SI: variants seen among roughly 807,000 people sequenced by gnomAD.
SI encodes sucrase-isomaltase, intestinal.
In SI, 235 loss-of-function variants were observed where a neutral mutation model predicts 253.3. That is an observed-to-expected ratio of 0.93 (90% confidence interval 0.83 to 1.03). The LOEUF (loss-of-function observed/expected upper bound fraction) is 1.03, where lower values mean the gene tolerates loss of function less well. Ranked by LOEUF, SI falls within the 50% of genes least tolerant of loss-of-function variation. The pLI, the probability that SI is intolerant of heterozygous loss-of-function variation, is 0.00. For synonymous variants in SI, 819 were observed against 712.0 expected (o/e 1.15, Z -2.39); for missense variants, 2,442 against 2,211.1 (o/e 1.10, Z -2.09).
chr3:165,063,404 G>C, intron 8 of SI, 38 bp downstream of exon 8: 1 of 948,044 alleles, frequency 1.1e-6, no homozygotes, highest in Non-Finnish European at 1.7e-6. Context: ...CATTTCAAGT[G>C]AAATCTATAA....
chr3:164,993,291 T>G, intron 41 of SI, among the ~76,000 whole-genome samples: 1 of 151,658 alleles, frequency 6.6e-6, no homozygotes, highest in Non-Finnish European at 1.5e-5. Context: ...ATCAATAAAA[T>G]GTTATCAGAA....
rs191046077 is a variant in SI, at chr3:165,070,410, A to G, written c.256-1215T>C. ...AGTATGTATTTATATATTTATACCC[A>G]AACACACATATACACATATACATTG... On this transcript the variant is annotated intron_variant, in intron 3 of 47. Transcript: ENST00000264382. Among the ~76,000 whole-genome samples the G allele has an allele frequency of 1.0e-2, 1,490 of 149,412 alleles. 26 individuals are homozygous for G. The highest frequency in any genetic ancestry group is 0.035 in the African/African-American group (1,408 of 40,808).
intron 25 of SI, among the ~76,000 whole-genome samples, chr3:165,028,112 C>T (rs1712025502): frequency 1.3e-5 from 2 of 151,352 alleles, no homozygotes; most frequent in African/African-American, 2.4e-5. Context: ...AATTAACGTA[C>T]AGAAGTCAGT....
At chr3:165,064,165 C>A (rs900269220) in intron 7 of SI, among the ~76,000 whole-genome samples, 5 of 151,978 alleles carry the variant, frequency 3.3e-5, no homozygotes, top group Non-Finnish European at 4.4e-5. Flanking sequence ...CCCATGTATG[C>A]CCAAGGTACT....
intron 33 of SI, among the ~76,000 whole-genome samples, chr3:165,013,561 C>T (rs923573325): frequency 2.2e-4 from 34 of 152,080 alleles, no homozygotes; most frequent in African/African-American, 7.7e-4. Context: ...ACCTCATTGC[C>T]TACCAACATT....
rs767454168 is a variant in SI, at chr3:165,046,877, A to T, written c.1851T>A (p.Thr617=). 2 of 1,613,152 alleles carry T rather than the reference A, an allele frequency of 1.2e-6. No homozygotes were observed. Among genetic ancestry groups the T allele is most frequent in the Non-Finnish European group, 1.7e-6 (2 of 1,179,484 alleles). ...CAAACAAACTGAACTCCAGCATTCC[A>T]GTTATAGACCATTCCATTTGTTCCC... The part of the protein sequence containing the change: ...ASWEQMEWSI[T]GMLEFSLFGI... Residue 617 remains threonine (T), a synonymous_variant, in exon 16 of 48, where the codon ACT becomes ACA. Transcript: ENST00000264382.
At chr3:165,005,839 T>A (rs1387183208) in intron 37 of SI, among the ~76,000 whole-genome samples, 5 of 152,066 alleles carry the variant, frequency 3.3e-5, no homozygotes, top group Non-Finnish European at 2.9e-5. Context: ...CTCAACCTCC[T>A]GGGCCCAAGT....
chr3:164,991,555 A>T, intron 43 of SI, 78 bp from the exon 44 acceptor site: 1 of 1,444,574 alleles, frequency 6.9e-7, no homozygotes, highest in South Asian at 1.2e-5. Context: ...GAGGATATAC[A>T]TTTTAAAAAA....
intron 40 of SI, 133 bp downstream of exon 40, chr3:164,996,398 CCAGA>C (rs1718008999): frequency 1.6e-6 from 1 of 644,582 alleles, no homozygotes; most frequent in Non-Finnish European, 2.8e-6. Context: ...AAAAGTTCCT[CCAGA>C]CAATTTCCTC....
intron 25 of SI, among the ~76,000 whole-genome samples, chr3:165,026,817 T>C (rs891017678): frequency 8.6e-5 from 13 of 151,020 alleles, no homozygotes; most frequent in African/African-American, 3.1e-4. Context: ...GGATACAACA[T>C]ACGCAGTACT....
At chr3:165,032,105 A>G (rs937321772) in intron 24 of SI, among the ~76,000 whole-genome samples, 2 of 151,374 alleles carry the variant, frequency 1.3e-5, no homozygotes, top group African/African-American at 4.8e-5. Context: ...CTCACTAAAA[A>G]AGAAACAGGA....
intron 18 of SI, among the ~76,000 whole-genome samples, 154 bp from the exon 19 acceptor site, chr3:165,040,125 T>C (rs1044767144): frequency 6.6e-6 from 1 of 151,770 alleles, no homozygotes; most frequent in Non-Finnish European, 1.5e-5. Flanking sequence ...GGTTCTTACA[T>C]CCTTTATTGT....
intron 18 of SI, 109 bp from the exon 19 acceptor site, chr3:165,040,080 A>G (rs1712739012): frequency 1.2e-6 from 1 of 843,552 alleles, no homozygotes; most frequent in South Asian, 1.4e-5. Context: ...TGTTATCTTG[A>G]ATTGTGCTTG....
chr3:164,990,536 T>C (rs144477144), intron 44 of SI, among the ~76,000 whole-genome samples: 65 of 152,308 alleles, frequency 4.3e-4, no homozygotes, highest in African/African-American at 1.5e-3. Flanking sequence ...ATTGACAGCC[T>C]GTCTTCTGAG....
At chr3:164,999,281 G>A (rs1718156886) in intron 37 of SI, among the ~76,000 whole-genome samples, 2 of 151,494 alleles carry the variant, frequency 1.3e-5, no homozygotes, top group Non-Finnish European at 3.0e-5. Context: ...CTCAGTCTTT[G>A]GAGAATGAAT....
chr3:165,010,955 C>T (rs1718743086), intron 34 of SI, among the ~76,000 whole-genome samples: 1 of 152,146 alleles, frequency 6.6e-6, no homozygotes, highest in Non-Finnish European at 1.5e-5. Flanking sequence ...GTTCAATTAT[C>T]TGACTCTGTT....
chr3:164,982,276 A>G lies in SI; in HGVS notation c.5382T>C (p.Asn1794=). The G allele has an allele frequency of 6.2e-7, 1 of 1,612,994 alleles. No individual in the cohort carries two copies. The highest frequency in any genetic ancestry group is 8.5e-7 in the Non-Finnish European group (1 of 1,179,432). The change falls in exon 47 of 48, where the codon AAT becomes AAC. Residue 1794 remains asparagine (N), a synonymous_variant. Transcript: ENST00000264382. Reference sequence around the variant, plus strand: ...TAGTGTCTTCATTAAAAGGAAGCGAATTTTTATTTCCGTTATACGTTAGAG... The same window carrying G: ...TAGTGTCTTCATTAAAAGGAAGCGAGTTTTTATTTCCGTTATACGTTAGAG... The part of the protein sequence containing the change: ...AVTLTYNGNK[N]SLPFNEDTTN...
At position 165,006,974 on chromosome 3, in the gene SI, A is replaced by C; in HGVS notation, c.4268-20T>G. The stretch of plus-strand genomic sequence containing the variant: ...TGAGTTCTGGAAAGAATCAATGAAA[A>C]AATATTAATATATTATACAGTGCCC... On this transcript the variant is annotated intron_variant, in intron 36 of 47. Coordinates refer to ENST00000264382, the MANE Select transcript of SI (RefSeq NM_001041.4). 2 of 1,537,904 alleles carry C rather than the reference A, an allele frequency of 1.3e-6. No individual in the cohort carries two copies. The highest frequency in any genetic ancestry group is 1.8e-6 in the Non-Finnish European group (2 of 1,121,012).
At chr3:165,040,591 TG>T (rs1181136869) in intron 18 of SI, among the ~76,000 whole-genome samples, 1 of 152,052 alleles carries the variant, frequency 6.6e-6, no homozygotes, top group Non-Finnish European at 1.5e-5. Flanking sequence ...TTCCCTTTTT[TG>T]TAAGTTTTAT....
Sources: gnomAD v4.1 joint callset for allele counts (sites outside exome capture counted in the v4.1 genomes callset) on GRCh38, gnomAD v4.1.1 for gene constraint, MANE v1.5 for transcripts, NCBI Gene and HGNC (gene_info 2026-07-23, HGNC 2026-07-21) for gene names.